The following UTS2 variants were observed in gnomAD, a reference collection of about 807,000 sequenced individuals.
The protein encoded by UTS2 is urotensin 2.
In UTS2, 10 loss-of-function variants were observed where a neutral mutation model predicts 12.6. The observed-to-expected ratio is 0.80, with a 90% CI of 0.49 to 1.35. The LOEUF is 1.35. Among genes scored for constraint, UTS2 ranks in the 40% most tolerant of loss-of-function variants. The pLI is 0.00. For synonymous variants in UTS2, 52 were observed against 50.0 expected, an observed-to-expected ratio of 1.04 and a Z score of -0.17; for missense variants, 142 against 143.2, an observed-to-expected ratio of 0.99 and a Z score of 0.04.
At position 7,847,670 on chromosome 1, in the gene UTS2, A is replaced by T; in HGVS notation, c.*96T>A. ...ACAATGAACAGGGTGTAGTTTGCCT[A>T]GTTTTTCTCCACACTGTTTTCAAAT... is the stretch of plus-strand genomic sequence containing the variant. On this transcript the variant is annotated 3_prime_UTR_variant, in exon 4 of 4. Coordinates refer to ENST00000361696, the MANE Select transcript of UTS2 (RefSeq NM_006786.4). 1.0e-6 allele frequency: 1 copy of T among 968,246 alleles called. No individual in the cohort carries two copies. Among genetic ancestry groups the T allele is most frequent in the Non-Finnish European group, 1.6e-6 (1 of 625,764 alleles). 60.0% of individuals were successfully genotyped at this position (968,246 alleles called of 1,614,324 possible).
the UTS2 span, among the ~76,000 whole-genome samples, chr1:7,879,275 G>A: frequency 1.5e-3 from 229 of 152,190 alleles, no homozygotes; most frequent in African/African-American, 4.9e-3. Context: ...AACATATCTC[G>A]ACAAATTTTT....
the UTS2 span, among the ~76,000 whole-genome samples, chr1:7,893,955 T>A: frequency 1.3e-5 from 2 of 152,136 alleles, no homozygotes; most frequent in African/African-American, 4.8e-5. Flanking sequence ...GTCAGAGGCA[T>A]AGCTAGAGAG....
the UTS2 span, among the ~76,000 whole-genome samples, chr1:7,867,248 A>C: frequency 6.6e-6 from 1 of 152,176 alleles, no homozygotes; most frequent in Admixed American, 6.5e-5. Context: ...AGAACTTAAC[A>C]CAGTTAGATA....
At chr1:7,911,836 G>A in the UTS2 span, among the ~76,000 whole-genome samples, 1 of 150,214 alleles carries the variant, frequency 6.7e-6, no homozygotes, top group Non-Finnish European at 1.5e-5. Flanking sequence ...AGGAGGCGGA[G>A]GTTACAGTGA....
upstream of UTS2, among the ~76,000 whole-genome samples, chr1:7,854,079 C>G (rs1437939062): frequency 6.6e-6 from 1 of 152,106 alleles, no homozygotes; most frequent in African/African-American, 2.4e-5. Context: ...GGTGCAGTGG[C>G]TCACGCCTGT....
At chr1:7,902,024 C>A in the UTS2 span, among the ~76,000 whole-genome samples, 1 of 152,060 alleles carries the variant, frequency 6.6e-6, no homozygotes, top group South Asian at 2.1e-4. Flanking sequence ...GAGAGAATGA[C>A]CGGGGTGGCT....
At chr1:7,909,838 T>C in the UTS2 span, among the ~76,000 whole-genome samples, 28,782 of 151,966 alleles carry the variant, frequency 0.19, 3,279 homozygotes, top group Non-Finnish European at 0.25. Context: ...GCCAGGCTGG[T>C]CTCAAACTCC....
the UTS2 span, among the ~76,000 whole-genome samples, chr1:7,863,302 G>C: frequency 6.6e-6 from 1 of 151,650 alleles, no homozygotes; most frequent in African/African-American, 2.4e-5. Context: ...GTAGAGACAG[G>C]GTTTCTCCAT....
At chr1:7,864,791 G>A in the UTS2 span, among the ~76,000 whole-genome samples, 33,703 of 152,114 alleles carry the variant, frequency 0.22, 4,492 homozygotes, top group Middle Eastern at 0.36. Flanking sequence ...TAATAAATCC[G>A]TGTGCTTCTT....
At chr1:7,849,817 G>A in intron 2 of UTS2, 134 bp from the exon 3 acceptor site, 1 of 722,704 alleles carries the variant, frequency 1.4e-6, no homozygotes, top group South Asian at 2.0e-5. Flanking sequence ...AGCTTTTCTT[G>A]AATGCAGACA....
chr1:7,851,186 G>A lies in UTS2; in HGVS notation c.104-264C>T, dbSNP rs112754200. On this transcript the variant is annotated intron_variant, in intron 1 of 3. Transcript: ENST00000361696. ...AGCCCCTCGGCTGCCTCGAACAAGAGCTGAGGGATAAGCCACAGCCTTTCT... is the reference window on the plus strand; with the variant it reads ...AGCCCCTCGGCTGCCTCGAACAAGAACTGAGGGATAAGCCACAGCCTTTCT... 6.6e-3 allele frequency among the ~76,000 whole-genome samples: 1,000 copies of A among 152,312 alleles called. 8 individuals carry two copies. Among genetic ancestry groups the A allele is most frequent in the African/African-American group, 0.024 (977 of 41,560 alleles).
the UTS2 span, among the ~76,000 whole-genome samples, chr1:7,911,900 C>CAAAAAA: frequency 0.048 from 6,403 of 133,316 alleles, 561 homozygotes; most frequent in African/African-American, 0.17. Context: ...GACTCTGTCT[C>CAAAAAA]AAAAAAAAAA....
the UTS2 span, among the ~76,000 whole-genome samples, chr1:7,865,416 G>T: frequency 3.6e-5 from 1 of 27,578 alleles, no homozygotes; most frequent in African/African-American, 1.1e-4. Flanking sequence ...CTCCCACAGC[G>T]GTCCCTCTGT....
At chr1:7,868,847 C>G in the UTS2 span, among the ~76,000 whole-genome samples, 1 of 152,126 alleles carries the variant, frequency 6.6e-6, no homozygotes, top group African/African-American at 2.4e-5. Flanking sequence ...TAGAGCAGAT[C>G]ATGAGGGTGA....
the UTS2 span, among the ~76,000 whole-genome samples, chr1:7,898,601 G>A: frequency 2.6e-5 from 4 of 151,662 alleles, no homozygotes; most frequent in Non-Finnish European, 4.4e-5. Flanking sequence ...TCAGCCTCCC[G>A]AGTAGCTGAG....
chr1:7,863,741 T>C, the UTS2 span, among the ~76,000 whole-genome samples: 1,404 of 152,366 alleles, frequency 9.2e-3, 19 homozygotes, highest in African/African-American at 0.031. Context: ...AACGTCTAGT[T>C]ATCCATGGCT....
the UTS2 span, among the ~76,000 whole-genome samples, chr1:7,889,058 G>A: frequency 6.6e-6 from 1 of 150,728 alleles, no homozygotes; most frequent in Non-Finnish European, 1.5e-5. Context: ...TATTAGCTGT[G>A]ACAATAATGG....
intron 3 of UTS2, among the ~76,000 whole-genome samples, chr1:7,849,403 G>T (rs1412502194): frequency 6.6e-6 from 1 of 151,968 alleles, no homozygotes; most frequent in Non-Finnish European, 1.5e-5. Flanking sequence ...TAGAGACAGG[G>T]TTTCACCATG....
upstream of UTS2, among the ~76,000 whole-genome samples, chr1:7,854,271 G>T (rs1387175705): frequency 6.6e-6 from 1 of 151,836 alleles, no homozygotes; most frequent in Non-Finnish European, 1.5e-5. Context: ...TTGAATCCAG[G>T]AGGCGGAGGG....
Sources: allele counts gnomAD v4.1 joint callset (sites outside exome capture counted in the v4.1 genomes callset), GRCh38; gene constraint gnomAD v4.1.1; transcripts MANE v1.5; gene names NCBI Gene and HGNC (gene_info 2026-07-23, HGNC 2026-07-21).